The following RAPGEF2 variants were observed in gnomAD, a reference collection of about 807,000 sequenced individuals.
The protein encoded by RAPGEF2 is Rap guanine nucleotide exchange factor 2, also known as PDZ domain containing guanine nucleotide exchange factor (GEF) 1.
In RAPGEF2, 54 loss-of-function variants were observed where a neutral mutation model predicts 186.7. The observed-to-expected ratio is 0.29, with a 90% confidence interval of 0.23 to 0.36. RAPGEF2 has a LOEUF of 0.36. RAPGEF2 is among the 10% of genes least tolerant of loss of function. The pLI is 1.00. For synonymous variants in RAPGEF2, 712 were observed against 705.9 expected, an observed-to-expected ratio of 1.01 and a Z score of -0.14; for missense variants, 1,532 against 2,045.0, an observed-to-expected ratio of 0.75 and a Z score of 4.84.
At chr4:159,287,944 C>T (rs757274228) in intron 7 of RAPGEF2, among the ~76,000 whole-genome samples, 2 of 152,154 alleles carry the variant, frequency 1.3e-5, no homozygotes, top group Non-Finnish European at 2.9e-5. Context: ...CTTGTATTTG[C>T]ATAATGCTTT....
chr4:159,152,712 G>A (rs937265735), intron 1 of RAPGEF2, among the ~76,000 whole-genome samples: 1 of 152,160 alleles, frequency 6.6e-6, no homozygotes, highest in Non-Finnish European at 1.5e-5. Context: ...CTGCCACCCA[G>A]GTTCACGCCA....
intron 1 of RAPGEF2, among the ~76,000 whole-genome samples, chr4:159,184,098 T>C (rs1416876072): frequency 1.3e-5 from 2 of 152,238 alleles, no homozygotes; most frequent in Non-Finnish European, 2.9e-5. Flanking sequence ...TGCATATTAT[T>C]CCATGGTGTG....
At chr4:159,305,744 G>C (rs4690936) in intron 8 of RAPGEF2, among the ~76,000 whole-genome samples, 152,139 of 152,278 alleles carry the variant, frequency 1, 76,000 homozygotes, top group East Asian at 1. Context: ...AATTATTTGC[G>C]TAGACCAGTG....
intron 4 of RAPGEF2, among the ~76,000 whole-genome samples, chr4:159,216,985 T>G (rs934514132): frequency 6.6e-6 from 1 of 151,986 alleles, no homozygotes; most frequent in Non-Finnish European, 1.5e-5. Flanking sequence ...ATGAGCTACT[T>G]GAGTTTAAAA....
intron 1 of RAPGEF2, among the ~76,000 whole-genome samples, chr4:159,133,183 G>A (rs541103418): frequency 1.3e-4 from 20 of 152,220 alleles, no homozygotes; most frequent in Non-Finnish European, 2.6e-4. Flanking sequence ...GCTCCTGTGT[G>A]TGTGATTAAC....
intron 11 of RAPGEF2, 89 bp downstream of exon 11, chr4:159,323,706 A>G (rs1172423572): frequency 2.5e-6 from 2 of 809,350 alleles, no homozygotes; most frequent in Non-Finnish European, 3.3e-6. Context: ...CCCTATATAA[A>G]TATCTTACAA....
chr4:159,184,735 T>G (rs1561057479), intron 1 of RAPGEF2, among the ~76,000 whole-genome samples: 1 of 152,214 alleles, frequency 6.6e-6, no homozygotes, highest in Non-Finnish European at 1.5e-5. Context: ...GTGCAGAAGC[T>G]CTTTAGTTTA....
intron 1 of RAPGEF2, among the ~76,000 whole-genome samples, chr4:159,155,824 CCT>C (rs1037943937): frequency 1.3e-5 from 2 of 150,882 alleles, no homozygotes; most frequent in Non-Finnish European, 3.0e-5. Flanking sequence ...TATAAAATTT[CCT>C]CTCGGTACTA....
At chr4:159,122,893 T>C (rs1739861190) in intron 1 of RAPGEF2, among the ~76,000 whole-genome samples, 1 of 152,262 alleles carries the variant, frequency 6.6e-6, no homozygotes, top group Non-Finnish European at 1.5e-5. Context: ...TTGCTTGCTG[T>C]GTACTGTAGA....
chr4:159,263,503 A>C (rs138544675), intron 7 of RAPGEF2, among the ~76,000 whole-genome samples: 1 of 152,114 alleles, frequency 6.6e-6, no homozygotes, highest in African/African-American at 2.4e-5. Context: ...CCCAGCCTCT[A>C]TGGTTTTTCC....
chr4:159,148,348 T>C (rs1743163717), intron 1 of RAPGEF2, among the ~76,000 whole-genome samples: 1 of 152,188 alleles, frequency 6.6e-6, no homozygotes, highest in African/African-American at 2.4e-5. Flanking sequence ...ATGTTGAAAA[T>C]TGTAAATGCC....
At chr4:159,206,177 A>G (rs7680947) in intron 3 of RAPGEF2, among the ~76,000 whole-genome samples, 74,363 of 152,058 alleles carry the variant, frequency 0.49, 20,100 homozygotes, top group African/African-American at 0.73. Flanking sequence ...TGATCCACCC[A>G]CCTCTGCCTT....
At position 159,355,949 on chromosome 4, in the gene RAPGEF2, C is replaced by T; in HGVS notation, c.4748C>T (p.Ala1583Val). ...TDFPEGHSHP[A>V]RKPPDYNVAL... ...TTTCCAGAAGGGCACTCCCATCCAG[C>T]CAGGAAACCGCCGGACTACAACGTG... The change falls in exon 29 of 30, where the codon GCC becomes GTC. Residue 1583 changes from alanine to valine, a missense_variant. Ala to Val is a moderately conservative substitution (Grantham distance 64). This residue lies in a region of RAPGEF2 where 594 missense variants were observed against 608.5 expected (regional missense o/e 0.98). Coordinates refer to ENST00000691494, the MANE Select transcript of RAPGEF2 (RefSeq NM_001394067.2). 1 of 1,608,646 alleles carries T rather than the reference C, an allele frequency of 6.2e-7. No individual in the cohort carries two copies. The highest frequency in any genetic ancestry group is 8.5e-7 in the Non-Finnish European group (1 of 1,177,846).
chr4:159,127,786 T>A (rs1019718064), intron 1 of RAPGEF2, among the ~76,000 whole-genome samples: 4 of 152,360 alleles, frequency 2.6e-5, no homozygotes, highest in East Asian at 1.9e-4. Flanking sequence ...GTGCAGTTTT[T>A]AAAATTTAAT....
At chr4:159,270,550 CA>C (rs773810940) in intron 7 of RAPGEF2, among the ~76,000 whole-genome samples, 1 of 151,878 alleles carries the variant, frequency 6.6e-6, no homozygotes, top group Non-Finnish European at 1.5e-5. Context: ...GGGGTGGGGG[CA>C]TTTTTTTTAG....
intron 1 of RAPGEF2, among the ~76,000 whole-genome samples, chr4:159,177,614 T>A (rs1449793159): frequency 6.6e-6 from 1 of 152,252 alleles, no homozygotes; most frequent in Non-Finnish European, 1.5e-5. Context: ...CTCTTTTGTA[T>A]GTTTTAGTGT....
chr4:159,116,276 A>C (rs1053447200), intron 1 of RAPGEF2, among the ~76,000 whole-genome samples: 6 of 152,242 alleles, frequency 3.9e-5, no homozygotes, highest in African/African-American at 1.4e-4. Flanking sequence ...GGCAAAGGAC[A>C]TGAACAGACA....
At chr4:159,335,776 C>A (rs1767324714) in intron 17 of RAPGEF2, among the ~76,000 whole-genome samples, 1 of 140,864 alleles carries the variant, frequency 7.1e-6, no homozygotes, top group Non-Finnish European at 1.5e-5. Flanking sequence ...GCGGAGCTTG[C>A]AGTGAGCCGA....
chr4:159,330,170 A>C (rs1766451421), intron 12 of RAPGEF2, among the ~76,000 whole-genome samples, 160 bp downstream of exon 12: 1 of 151,880 alleles, frequency 6.6e-6, no homozygotes, highest in Non-Finnish European at 1.5e-5. Context: ...CAGTTTCATT[A>C]ATTGTTAACT....
Sources: allele counts gnomAD v4.1 joint callset (sites outside exome capture counted in the v4.1 genomes callset), GRCh38; gene constraint gnomAD v4.1.1; regional missense constraint gnomAD v4.1.1; transcripts MANE v1.5; gene names NCBI Gene and HGNC (gene_info 2026-07-23, HGNC 2026-07-21).